PLXNA2: variants seen among roughly 807,000 people sequenced by gnomAD.
PLXNA2 encodes plexin-A2.
In PLXNA2, 91 loss-of-function variants were observed where a neutral mutation model predicts 193.5. The ratio of observed to expected loss-of-function variants is 0.47; its 90% CI spans 0.40 to 0.56. PLXNA2 has a LOEUF of 0.56. Among genes scored for constraint, PLXNA2 ranks in the 20% least tolerant of loss-of-function variants. PLXNA2 has a pLI of 0.00. For missense variants in PLXNA2, 1,995 were observed against 2,503.2 expected (o/e 0.80, Z 4.33); for synonymous variants, 997 against 1,027.3 (o/e 0.97, Z 0.56).
intron 9 of PLXNA2, among the ~76,000 whole-genome samples, 165 bp from the exon 10 acceptor site, chr1:208,084,745 T>C (rs1666456055): frequency 6.6e-6 from 1 of 152,244 alleles, no homozygotes; most frequent in Non-Finnish European, 1.5e-5. Context: ...TCTTAGCTCC[T>C]GGGCTTTGAT....
At chr1:208,141,426 C>T (rs1668452621) in intron 4 of PLXNA2, among the ~76,000 whole-genome samples, 1 of 152,222 alleles carries the variant, frequency 6.6e-6, no homozygotes, top group Admixed American at 6.5e-5. Flanking sequence ...GGACCTTCAG[C>T]TCTACCAGCA....
chr1:208,072,570 A>C (rs1191198328), intron 12 of PLXNA2, among the ~76,000 whole-genome samples: 2 of 152,162 alleles, frequency 1.3e-5, no homozygotes, highest in Admixed American at 6.5e-5. Flanking sequence ...AGGCCAGGGA[A>C]TCCAGCTTTC....
rs767325149 is a variant in PLXNA2 at position 208,080,326 on chromosome 1, T to A, written c.2396-876A>T. On this transcript the variant is annotated intron_variant, in intron 11 of 31. Transcript: ENST00000367033. ...TTGGAGTGTGCAAACCCTTTGTCTT[T>A]TTTTTTGTCTCCTGCTGACTTAAAA... Among the ~76,000 whole-genome samples the A allele has an allele frequency of 1.1e-4, 17 of 152,294 alleles. 1 individual carries two copies. The highest frequency in any genetic ancestry group is 3.4e-3 in the Middle Eastern group (1 of 294).
chr1:208,240,612 A>T (rs1039747323), intron 1 of PLXNA2, among the ~76,000 whole-genome samples: 1 of 151,760 alleles, frequency 6.6e-6, no homozygotes. Flanking sequence ...GGCGGTGGTG[A>T]TTGGGGCTGA....
Position 208,060,762 on chromosome 1 carries a change from AG to A in PLXNA2, c.2661del (p.Ser888ProfsTer55). 1 of 1,614,084 alleles carries A rather than the reference AG, an allele frequency of 6.2e-7. No individual in the cohort carries two copies. The highest frequency in any genetic ancestry group is 8.5e-7 in the Non-Finnish European group (1 of 1,179,984). ...ACCTGCACATGGTGGGCGATCTCGG[AG>A]AAGTCCAGACCCAGGTTCACGCCAT... The part of the protein sequence containing the change: ...TIHGVNLGLD[F>X]SEIAHHVQVA... On this transcript the variant is annotated frameshift_variant, in exon 13 of 32. Coordinates refer to ENST00000367033, the MANE Select transcript of PLXNA2 (RefSeq NM_025179.4). LOFTEE classifies it high-confidence loss of function.
chr1:208,207,629 A>AT (rs1199271770), intron 3 of PLXNA2, among the ~76,000 whole-genome samples: 1 of 151,308 alleles, frequency 6.6e-6, no homozygotes, highest in African/African-American at 2.4e-5. Context: ...ACTCTTAGCT[A>AT]TTTTTTTTCT....
chr1:208,228,518 G>A (rs768952398), intron 1 of PLXNA2, among the ~76,000 whole-genome samples: 2 of 152,138 alleles, frequency 1.3e-5, no homozygotes, highest in African/African-American at 2.4e-5. Flanking sequence ...GTTGTGCCTT[G>A]TGCTGCCTCA....
rs1664296581 is a variant in PLXNA2 at position 208,024,935 on chromosome 1, A to G, written c.*2308T>C. 6.6e-6 allele frequency: 1 copy of G among 152,390 alleles called. No homozygotes were observed. The highest frequency in any genetic ancestry group is 6.6e-5 in the Admixed American group (1 of 15,264). 9.4% of individuals were successfully genotyped at this position (152,390 alleles called of 1,614,324 possible). On this transcript the variant is annotated 3_prime_UTR_variant, in exon 32 of 32. Coordinates refer to ENST00000367033, the MANE Select transcript of PLXNA2 (RefSeq NM_025179.4). ...TCTTACCTATATCTCCTTTCCTTTT[A>G]TCTCCATAAATTATGGGCTCTGCGC...
chr1:208,030,832 G>T (rs1441955372), intron 29 of PLXNA2: 3 of 985,296 alleles, frequency 3.0e-6, no homozygotes, highest in Admixed American at 1.2e-4. Context: ...TCTTGGCCGG[G>T]TCCTGTCTGA....
intron 12 of PLXNA2, among the ~76,000 whole-genome samples, chr1:208,067,136 G>C (rs562724688): frequency 6.6e-6 from 1 of 152,216 alleles, no homozygotes; most frequent in South Asian, 2.1e-4. Context: ...CCTGAGTTCG[G>C]GAGTTTGAGA....
Position 208,084,474 on chromosome 1 carries a change from C to T in PLXNA2, c.2204G>A (p.Arg735Gln). The T allele has an allele frequency of 6.2e-7, 1 of 1,614,258 alleles. No individual in the cohort carries two copies. Among genetic ancestry groups the T allele is most frequent in the Non-Finnish European group, 8.5e-7 (1 of 1,180,042 alleles). Residue 735 changes from arginine (R) to glutamine (Q), a missense_variant, in exon 10 of 32, where the codon CGA becomes CAA. Arg to Gln is a conservative substitution (Grantham distance 43). Transcript: ENST00000367033. ...RNLPQPQSGQ[R>Q]GYECVLNIQG... ...TATGTTGAGGACACACTCATAGCCT[C>T]GCTGGCCGGACTGCGGCTGGGGCAG...
chr1:208,086,189 C>T (rs755732238), intron 9 of PLXNA2, among the ~76,000 whole-genome samples: 30 of 152,160 alleles, frequency 2.0e-4, no homozygotes, highest in Non-Finnish European at 4.3e-4. Flanking sequence ...TAGGCTGCAT[C>T]TTACTCACCT....
rs114073010 is a variant in PLXNA2 at position 208,242,528 on chromosome 1, C to A, written c.-81+1115G>T. 3.9e-3 allele frequency among the ~76,000 whole-genome samples: 595 copies of A among 152,356 alleles called. 4 individuals are homozygous for A. The highest frequency in any genetic ancestry group is 0.013 in the African/African-American group (555 of 41,580). The stretch of plus-strand genomic sequence containing the variant: ...ATGCTGCCTTCATGTCCCTTGTGCA[C>A]TTTCTACTGGTGTGCCACTGTCACT... On this transcript the variant is annotated intron_variant, in intron 1 of 31. Coordinates refer to ENST00000367033, the MANE Select transcript of PLXNA2 (RefSeq NM_025179.4).
At chr1:208,120,081 T>A (rs1667758158) in intron 4 of PLXNA2, among the ~76,000 whole-genome samples, 1 of 152,192 alleles carries the variant, frequency 6.6e-6, no homozygotes, top group South Asian at 2.1e-4. Context: ...GGCTTTGGTG[T>A]CTCTGCACCT....
At chr1:208,181,575 C>T (rs1275167789) in intron 3 of PLXNA2, among the ~76,000 whole-genome samples, 1 of 152,226 alleles carries the variant, frequency 6.6e-6, no homozygotes, top group Non-Finnish European at 1.5e-5. Context: ...TTGCTTCCCT[C>T]CTCCCTAGAG....
intron 3 of PLXNA2, among the ~76,000 whole-genome samples, chr1:208,200,592 T>C (rs1052973956): frequency 1.2e-4 from 18 of 144,240 alleles, no homozygotes; most frequent in African/African-American, 3.6e-4. Flanking sequence ...TTTTTTTTTT[T>C]TTTTTTTTCT....
intron 1 of PLXNA2, among the ~76,000 whole-genome samples, chr1:208,227,765 T>C (rs1188758632): frequency 6.6e-6 from 1 of 152,106 alleles, no homozygotes; most frequent in African/African-American, 2.4e-5. Flanking sequence ...CCAAATGATA[T>C]TTTCAAAGAG....
At chr1:208,030,771 C>A (rs974281535) in intron 29 of PLXNA2, 1 of 985,148 alleles carries the variant, frequency 1.0e-6, no homozygotes, top group Non-Finnish European at 1.2e-6. Flanking sequence ...GCCTGGACCT[C>A]CCCTCTCCCC....
At chr1:208,197,133 T>C (rs1449655206) in intron 3 of PLXNA2, among the ~76,000 whole-genome samples, 1 of 152,222 alleles carries the variant, frequency 6.6e-6, no homozygotes, top group African/African-American at 2.4e-5. Flanking sequence ...ACTCAAACCA[T>C]TGTCTTATCT....
Sources: allele counts gnomAD v4.1 joint callset (sites outside exome capture counted in the v4.1 genomes callset), GRCh38; gene constraint gnomAD v4.1.1; transcripts MANE v1.5; gene names NCBI Gene and HGNC (gene_info 2026-07-23, HGNC 2026-07-21).